Variants in TMEM114 observed in about 807,000 individuals in gnomAD.
TMEM114 encodes transmembrane protein 114.
In TMEM114, 6 loss-of-function variants were observed where a neutral mutation model predicts 6.2. The ratio of observed to expected loss-of-function variants is 0.97; its 90% CI spans 0.53 to 1.91. The LOEUF is 1.91. TMEM114 is among the 40% of genes most tolerant of loss of function. The probability of loss-of-function intolerance (pLI) is 0.01; values close to 1 mark genes in which losing one functional copy is unlikely to be tolerated. For synonymous variants in TMEM114, 104 were observed against 73.0 expected, an observed-to-expected ratio of 1.42 and a Z score of -2.16; for missense variants, 218 against 158.3, an observed-to-expected ratio of 1.38 and a Z score of -2.02.
chr16:8,575,093 G>T (rs1294161750), intron 2 of TMEM114, among the ~76,000 whole-genome samples: 1 of 152,152 alleles, frequency 6.6e-6, no homozygotes. Flanking sequence ...CAATTTTGTG[G>T]GGGCTGGGTT....
At position 8,589,800 on chromosome 16, in the gene TMEM114, C is replaced by T. The variant is rs1441899722; in HGVS notation, c.39G>A (p.Ala13=). Residue 13 remains alanine, a synonymous_variant, in exon 1 of 4, where the codon GCG becomes GCA. Transcript: ENST00000620492. ...VHLGGLAGAA[A]LTGALSFVLL... The stretch of plus-strand genomic sequence containing the variant: ...GCACAAAGCTGAGCGCCCCGGTCAG[C>T]GCAGCCGCGCCGGCCAGCCCGCCCA... The T allele has an allele frequency of 4.0e-5, 16 of 398,504 alleles. No homozygotes were observed. In the Middle Eastern group the frequency reaches 3.8e-3, roughly 94 times the overall value. 24.7% of individuals were successfully genotyped at this position (398,504 alleles called of 1,614,324 possible). A position where few individuals can be genotyped will look rare whatever the true frequency, so the allele number is the denominator to read the frequency against.
At chr16:8,547,793 C>A (rs2141655489) in intron 2 of TMEM114, among the ~76,000 whole-genome samples, 1 of 152,220 alleles carries the variant, frequency 6.6e-6, no homozygotes, top group East Asian at 1.9e-4. Flanking sequence ...AAGTGCGGAC[C>A]ACAGTCATGG....
intron 2 of TMEM114, among the ~76,000 whole-genome samples, chr16:8,560,772 G>T (rs1046369103): frequency 6.6e-6 from 1 of 152,178 alleles, no homozygotes; most frequent in Non-Finnish European, 1.5e-5. Flanking sequence ...CAGCCCCAAC[G>T]TTCACCTCCA....
At chr16:8,542,376 C>T (rs180990220) in intron 2 of TMEM114, among the ~76,000 whole-genome samples, 1 of 152,104 alleles carries the variant, frequency 6.6e-6, no homozygotes, top group Non-Finnish European at 1.5e-5. Context: ...TTTAAAGAAA[C>T]CCAGATAAGG....
At chr16:8,563,771 G>C (rs1901388692) in intron 2 of TMEM114, among the ~76,000 whole-genome samples, 2 of 148,356 alleles carry the variant, frequency 1.3e-5, no homozygotes, top group Non-Finnish European at 1.5e-5. Flanking sequence ...GGGAATGAGT[G>C]AGTGAATGAC....
At chr16:8,535,320 T>C (rs1900323854), downstream of TMEM114, among the ~76,000 whole-genome samples, 1 of 152,196 alleles carries the variant, frequency 6.6e-6, no homozygotes, top group Admixed American at 6.5e-5. Flanking sequence ...TTGATTCCTC[T>C]AGCCCTGAGA....
At chr16:8,584,425 C>G (rs1014146722) in intron 2 of TMEM114, among the ~76,000 whole-genome samples, 1 of 152,182 alleles carries the variant, frequency 6.6e-6, no homozygotes, top group Non-Finnish European at 1.5e-5. Context: ...TTCCCCAGAG[C>G]TAACCTGGAA....
At chr16:8,565,731 G>A (rs564681355), downstream of TMEM114, among the ~76,000 whole-genome samples, 3 of 152,262 alleles carry the variant, frequency 2.0e-5, no homozygotes, top group South Asian at 2.1e-4. Context: ...GGGTCTTAGA[G>A]CAGTGGTTCT....
At chr16:8,548,948 C>G (rs1417820241) in intron 2 of TMEM114, among the ~76,000 whole-genome samples, 1 of 152,066 alleles carries the variant, frequency 6.6e-6, no homozygotes, top group East Asian at 1.9e-4. Flanking sequence ...TTTGGGAGGC[C>G]AAGGCAGGTG....
At chr16:8,537,068 T>A (rs1032142056), downstream of TMEM114, among the ~76,000 whole-genome samples, 2 of 151,844 alleles carry the variant, frequency 1.3e-5, no homozygotes, top group South Asian at 4.2e-4. Flanking sequence ...TAGCTGGACT[T>A]GGTGGTGCAT....
intron 2 of TMEM114, among the ~76,000 whole-genome samples, chr16:8,574,105 G>C (rs1166435679): frequency 6.6e-6 from 1 of 152,176 alleles, no homozygotes; most frequent in Non-Finnish European, 1.5e-5. Context: ...CCCAATAGAT[G>C]ACCTCATGGC....
the TMEM114 span, among the ~76,000 whole-genome samples, chr16:8,528,085 G>A: frequency 6.6e-6 from 1 of 151,992 alleles, no homozygotes; most frequent in Admixed American, 6.6e-5. Flanking sequence ...AGTTTTGGTA[G>A]AGATGGGATT....
chr16:8,536,547 T>A (rs924721436), downstream of TMEM114, among the ~76,000 whole-genome samples: 3 of 152,214 alleles, frequency 2.0e-5, no homozygotes, highest in African/African-American at 7.2e-5. Flanking sequence ...AGTAATGAAG[T>A]CTTCAATAAA....
At chr16:8,564,679 G>GAGTA (rs1567203894), downstream of TMEM114, among the ~76,000 whole-genome samples, 38 of 17,184 alleles carry the variant, frequency 2.2e-3, no homozygotes, top group Non-Finnish European at 3.4e-3. Context: ...GGGAATGAGT[G>GAGTA]AATGAGTGAG....
chr16:8,560,025 C>G (rs577066169), intron 2 of TMEM114, among the ~76,000 whole-genome samples: 5 of 152,218 alleles, frequency 3.3e-5, no homozygotes, highest in South Asian at 2.1e-4. Context: ...GAGATAGGGT[C>G]TCACTCTGTT....
intron 2 of TMEM114, among the ~76,000 whole-genome samples, chr16:8,563,629 GT>G (rs1901376018): frequency 2.7e-5 from 4 of 147,428 alleles, no homozygotes; most frequent in Non-Finnish European, 5.9e-5. Flanking sequence ...GAATGAGTGA[GT>G]GAATGAGTAA....
chr16:8,564,346 AGAATGAGTCAGTGAGT>A lies in TMEM114; in HGVS notation n.212+24851_212+24866del, dbSNP rs917386481. Among the ~76,000 whole-genome samples, 9 of 137,932 alleles carry A rather than the reference AGAATGAGTCAGTGAGT, an allele frequency of 6.5e-5. 1 individual carries two copies. Among genetic ancestry groups the A allele is most frequent in the Admixed American group, 1.4e-4 (2 of 13,922 alleles). The allele number at this position is 137,932 out of a possible 152,430, so 90.5% of individuals were successfully genotyped here. ...GTGAGTTAGAGAATGAGTCAGTGAG[AGAATGAGTCAGTGAGT>A]GAATGAGTCAGTGAATGAGTGAGGG... On this transcript the variant is annotated intron_variant and non_coding_transcript_variant, in intron 2 of 2. Coordinates refer to the TMEM114 transcript ENST00000623677.
At chr16:8,537,282 C>T (rs781176535), downstream of TMEM114, among the ~76,000 whole-genome samples, 1 of 152,004 alleles carries the variant, frequency 6.6e-6, no homozygotes, top group Non-Finnish European at 1.5e-5. Context: ...CGGCAGATGA[C>T]CTGAGATCAG....
chr16:8,547,282 G>C (rs189272936), intron 2 of TMEM114, among the ~76,000 whole-genome samples: 2 of 152,136 alleles, frequency 1.3e-5, no homozygotes, highest in Admixed American at 1.3e-4. Context: ...TTCTCCAAAG[G>C]GGTTAAGCAA....
Sources: gnomAD v4.1 joint callset for allele counts (sites outside exome capture counted in the v4.1 genomes callset) on GRCh38, gnomAD v4.1.1 for gene constraint, MANE v1.5 for transcripts, NCBI Gene and HGNC (gene_info 2026-07-23, HGNC 2026-07-21) for gene names.